The following ARIH1 variants were observed in gnomAD, a reference collection of about 807,000 sequenced individuals.
ARIH1 encodes E3 ubiquitin-protein ligase ARIH1.
A neutral mutation model predicts 85.0 loss-of-function variants in ARIH1; 8 were observed. The ratio of observed to expected loss-of-function variants is 0.09; its 90% confidence interval spans 0.06 to 0.17. ARIH1 has a LOEUF of 0.17. Ranked by LOEUF, ARIH1 falls within the 10% of genes least tolerant of loss-of-function variation. The probability of loss-of-function intolerance (pLI) is 1.00; values close to 1 mark genes in which losing one functional copy is unlikely to be tolerated. For missense variants in ARIH1, 311 were observed against 718.1 expected (o/e 0.43, Z 6.48); for synonymous variants, 238 against 253.6 (o/e 0.94, Z 0.59).
In ARIH1 at chr15:72,582,584, C is replaced by CATAT. The variant is rs201052945; in HGVS notation, c.1589+410_1589+413dup. Among the ~76,000 whole-genome samples, 11 of 149,114 alleles carry CATAT rather than the reference C, an allele frequency of 7.4e-5. No individual in the cohort carries two copies. Among genetic ancestry groups the CATAT allele is most frequent in the Non-Finnish European group, 1.2e-4 (8 of 67,506 alleles). On this transcript the variant is annotated intron_variant, in intron 13 of 13. Coordinates refer to ENST00000379887, the MANE Select transcript of ARIH1 (RefSeq NM_005744.5). The surrounding 1 kb of genome is among the most constrained non-coding windows in gnomAD (Gnocchi z 4.6). ...AACTTACTTTTTAGAGTTTTTATTA[C>CATAT]ATATATATATATATATTTTTTTAAT...
intron 11 of ARIH1, among the ~76,000 whole-genome samples, chr15:72,574,369 C>T (rs1455563343): frequency 3.9e-5 from 6 of 152,240 alleles, no homozygotes; most frequent in African/African-American, 1.4e-4. Context: ...CCACGCCTCC[C>T]TGAAAGGATC....
At chr15:72,496,348 C>CA (rs1567339448) in intron 1 of ARIH1, among the ~76,000 whole-genome samples, 1 of 152,156 alleles carries the variant, frequency 6.6e-6, no homozygotes, top group East Asian at 1.9e-4. Context: ...TGTAGAATGG[C>CA]AAAATGCTGA....
At chr15:72,517,930 T>C (rs2063982309) in intron 1 of ARIH1, 137 bp from the exon 2 acceptor site, 2 of 601,974 alleles carry the variant, frequency 3.3e-6, no homozygotes, top group East Asian at 5.7e-5. Context: ...TATATTTCCT[T>C]AGAGGAATAA....
chr15:72,571,127 C>A (rs1172094809), intron 10 of ARIH1, among the ~76,000 whole-genome samples: 2 of 44,634 alleles, frequency 4.5e-5, no homozygotes, highest in Admixed American at 4.5e-4. Flanking sequence ...GAAACTGTGT[C>A]TCAAAAAAAA....
At position 72,561,381 on chromosome 15, in the gene ARIH1, A is replaced by G. The variant is rs2064196758; in HGVS notation, c.738-102A>G. ...TCAGTATTTACAGCTTAGGGCATAA[A>G]CATGTAGCCGTAGCATAAACAGCTT... On this transcript the variant is annotated intron_variant, in intron 5 of 13. Transcript: ENST00000379887. The G allele has an allele frequency of 3.8e-6, 3 of 785,038 alleles. No homozygotes were observed. The East Asian group carries it at 8.0e-5, about 21-fold the overall frequency. 48.6% of individuals were successfully genotyped at this position (785,038 alleles called of 1,614,324 possible).
At chr15:72,504,553 C>T in intron 1 of ARIH1, among the ~76,000 whole-genome samples, 1 of 152,102 alleles carries the variant, frequency 6.6e-6, no homozygotes, top group East Asian at 1.9e-4. Flanking sequence ...CAAGCTGCCC[C>T]TCTGAAGTCC....
intron 6 of ARIH1, among the ~76,000 whole-genome samples, chr15:72,562,872 A>T (rs888325847): frequency 6.8e-6 from 1 of 146,836 alleles, no homozygotes; most frequent in South Asian, 2.2e-4. Context: ...TTATAAAACC[A>T]GGTCTTCAGG....
chr15:72,558,641 C>G (rs1187005128), intron 5 of ARIH1, among the ~76,000 whole-genome samples: 1 of 152,190 alleles, frequency 6.6e-6, no homozygotes, highest in East Asian at 1.9e-4. Flanking sequence ...AAATCTTTGT[C>G]AAGAGAATTG....
chr15:72,560,733 T>C (rs1229504741), intron 5 of ARIH1, among the ~76,000 whole-genome samples: 1 of 152,162 alleles, frequency 6.6e-6, no homozygotes, highest in African/African-American at 2.4e-5. Context: ...GAGAGGCCTA[T>C]GAAGCTCAAG....
At chr15:72,577,286 G>C (rs116632174) in intron 11 of ARIH1, among the ~76,000 whole-genome samples, 2,574 of 152,066 alleles carry the variant, frequency 0.017, 64 homozygotes, top group African/African-American at 0.059. Flanking sequence ...ACTGTGCCTG[G>C]CATATACTGT....
At chr15:72,504,710 G>A (rs559625927) in intron 1 of ARIH1, among the ~76,000 whole-genome samples, 2 of 152,272 alleles carry the variant, frequency 1.3e-5, no homozygotes, top group East Asian at 3.9e-4. Flanking sequence ...GGAGAGAATC[G>A]GCAGACGGAA....
chr15:72,503,495 G>A (rs2063912084), intron 1 of ARIH1, among the ~76,000 whole-genome samples: 1 of 152,116 alleles, frequency 6.6e-6, no homozygotes. Flanking sequence ...TTTCAGTTCT[G>A]TAGTGTTCTG....
intron 5 of ARIH1, among the ~76,000 whole-genome samples, chr15:72,559,339 G>A (rs1485376851): frequency 6.6e-6 from 1 of 151,802 alleles, no homozygotes; most frequent in Non-Finnish European, 1.5e-5. Context: ...GCATGATCTC[G>A]GCTCACTGCA....
At chr15:72,499,149 T>C (rs2063892659) in intron 1 of ARIH1, among the ~76,000 whole-genome samples, 1 of 151,964 alleles carries the variant, frequency 6.6e-6, no homozygotes, top group Non-Finnish European at 1.5e-5. Context: ...CTAATTTTTG[T>C]ATTTTTAGTA....
intron 3 of ARIH1, among the ~76,000 whole-genome samples, chr15:72,550,364 G>A (rs12904334): frequency 0.013 from 2,043 of 152,206 alleles, 35 homozygotes; most frequent in East Asian, 0.083. Context: ...CATTGTGACC[G>A]TTGATCTCTG....
intron 1 of ARIH1, among the ~76,000 whole-genome samples, chr15:72,482,813 C>G (rs186237082): frequency 6.7e-6 from 1 of 149,548 alleles, no homozygotes; most frequent in Admixed American, 6.7e-5. Flanking sequence ...ACCAAGGTGA[C>G]GGCTTGGTAG....
chr15:72,578,652 A>G (rs1448120622), intron 11 of ARIH1, among the ~76,000 whole-genome samples: 1 of 152,074 alleles, frequency 6.6e-6, no homozygotes, highest in Non-Finnish European at 1.5e-5. Flanking sequence ...ATATTTCAAT[A>G]TATTTATTGA....
intron 2 of ARIH1, among the ~76,000 whole-genome samples, chr15:72,528,375 T>A (rs182765925): frequency 1.4e-4 from 21 of 152,308 alleles, no homozygotes; most frequent in Admixed American, 1.4e-3. Flanking sequence ...ATTTAATGGG[T>A]AGGTACTAGT....
chr15:72,478,465 T>C (rs1205306641), intron 1 of ARIH1, among the ~76,000 whole-genome samples: 1 of 152,218 alleles, frequency 6.6e-6, no homozygotes, highest in Non-Finnish European at 1.5e-5. Flanking sequence ...GGTAATTTAT[T>C]AAAAGAACCC....
Sources: gnomAD v4.1 joint callset for allele counts (sites outside exome capture counted in the v4.1 genomes callset) on GRCh38, gnomAD v4.1.1 for gene constraint, Gnocchi (gnomAD v3.1) non-coding constraint, MANE v1.5 for transcripts, NCBI Gene and HGNC (gene_info 2026-07-23, HGNC 2026-07-21) for gene names.